CELA2B: variants seen among roughly 807,000 people sequenced by gnomAD.
The protein encoded by CELA2B is chymotrypsin like elastase 2B, also known as chymotrypsin-like elastase family member 2B.
A neutral mutation model predicts 36.5 loss-of-function variants in CELA2B; 27 were observed. That is an observed-to-expected ratio of 0.74 (90% confidence interval 0.55 to 1.02). The LOEUF is 1.02. Ranked by LOEUF, CELA2B falls within the 50% of genes least tolerant of loss-of-function variation. The probability of loss-of-function intolerance (pLI) is 0.00; values close to 1 mark genes in which losing one functional copy is unlikely to be tolerated. For synonymous variants in CELA2B, 143 were observed against 148.5 expected (o/e 0.96, Z 0.27); for missense variants, 340 against 347.8 (o/e 0.98, Z 0.18).
intron 7 of CELA2B, among the ~76,000 whole-genome samples, chr1:15,487,919 G>C (rs1460363385): frequency 1.3e-5 from 2 of 152,144 alleles, no homozygotes; most frequent in Non-Finnish European, 2.9e-5. Flanking sequence ...GGTTTTCCAG[G>C]ATGCGGGACT....
intron 6 of CELA2B, 152 bp from the exon 7 acceptor site, chr1:15,487,133 G>A: frequency 1.4e-6 from 1 of 689,852 alleles, no homozygotes; most frequent in Non-Finnish European, 2.5e-6. Context: ...GCTCTTGTTG[G>A]AATTATGGTA....
Position 15,476,404 on chromosome 1 carries a change from T to G in CELA2B, c.41-53T>G, listed in dbSNP as rs571055831. ...GGTTCAGAATGCAGCATGTATAGTT[T>G]ACATTGTGTGGGTCGCTGCTTCCTG... On this transcript the variant is annotated intron_variant, in intron 1 of 7. Coordinates refer to ENST00000375910, the MANE Select transcript of CELA2B (RefSeq NM_015849.3). The G allele has an allele frequency of 6.4e-6, 10 of 1,567,384 alleles. 1 individual carries two copies. In the Admixed American group the frequency reaches 1.7e-4, roughly 26 times the overall value.
intron 2 of CELA2B, among the ~76,000 whole-genome samples, chr1:15,479,280 C>T (rs1170909811): frequency 6.6e-6 from 1 of 152,198 alleles, no homozygotes; most frequent in Non-Finnish European, 1.5e-5. Context: ...CACAGTGGCT[C>T]ACGCATGTAA....
chr1:15,480,533 G>T (rs1186465275), intron 2 of CELA2B, among the ~76,000 whole-genome samples: 1 of 152,162 alleles, frequency 6.6e-6, no homozygotes, highest in African/African-American at 2.4e-5. Context: ...TACAATCATG[G>T]CAGAAGGGGA....
At chr1:15,487,154 C>A in intron 6 of CELA2B, 131 bp from the exon 7 acceptor site, 1 of 807,884 alleles carries the variant, frequency 1.2e-6, no homozygotes, top group Non-Finnish European at 2.0e-6. Context: ...CCACCTTGAG[C>A]TATGACCACA....
At chr1:15,487,787 A>G (rs1395798071) in intron 7 of CELA2B, among the ~76,000 whole-genome samples, 4 of 152,252 alleles carry the variant, frequency 2.6e-5, no homozygotes, top group African/African-American at 7.2e-5. Flanking sequence ...ATATGTCTGC[A>G]AAACCCAAAA....
chr1:15,482,095 C>G (rs553179175), intron 3 of CELA2B, among the ~76,000 whole-genome samples, 170 bp from the exon 4 acceptor site: 8 of 152,258 alleles, frequency 5.3e-5, no homozygotes, highest in Non-Finnish European at 1.0e-4. Context: ...ATAGTTCTTA[C>G]ATTATATACT....
At chr1:15,479,299 C>G (rs1459981972) in intron 2 of CELA2B, among the ~76,000 whole-genome samples, 6 of 152,176 alleles carry the variant, frequency 3.9e-5, no homozygotes, top group Admixed American at 2.6e-4. Flanking sequence ...AATCCCAACA[C>G]TTTGGGAGGC....
chr1:15,478,201 CAT>C (rs559488613), intron 2 of CELA2B, among the ~76,000 whole-genome samples: 9 of 101,836 alleles, frequency 8.8e-5, no homozygotes, highest in Admixed American at 1.9e-4. Flanking sequence ...GAGGCTGAGG[CAT>C]ATATATATAT....
In CELA2B at chr1:15,488,466, GA is replaced by G. The variant is rs200651559; in HGVS notation, c.792+1031del. Among the ~76,000 whole-genome samples, 563 of 152,320 alleles carry G rather than the reference GA, an allele frequency of 3.7e-3. 5 individuals are homozygous for G. The highest frequency in any genetic ancestry group is 0.023 in the East Asian group (118 of 5,192). ...ACACAGAAGTAGATGAAAGCAGCCAGAAGAGGAAACCCCGTCACAAGAAAGG... is the reference window on the plus strand; with the variant it reads ...ACACAGAAGTAGATGAAAGCAGCCAGAGAGGAAACCCCGTCACAAGAAAGG... On this transcript the variant is annotated intron_variant, in intron 7 of 7. Transcript: ENST00000375910.
intron 2 of CELA2B, among the ~76,000 whole-genome samples, chr1:15,478,521 G>C (rs917140842): frequency 2.0e-5 from 3 of 150,508 alleles, no homozygotes; most frequent in Admixed American, 6.7e-5. Flanking sequence ...GGGATTATAG[G>C]TGTGAACCAC....
chr1:15,489,035 T>C (rs1364446825), intron 7 of CELA2B, among the ~76,000 whole-genome samples: 1 of 152,192 alleles, frequency 6.6e-6, no homozygotes, highest in Non-Finnish European at 1.5e-5. Context: ...GAGTCCACCT[T>C]TGGAGGCACC....
At chr1:15,485,844 CTTCCT>C in intron 5 of CELA2B, 52 bp from the exon 6 acceptor site, 1 of 1,601,972 alleles carries the variant, frequency 6.2e-7, no homozygotes, top group East Asian at 2.2e-5. Flanking sequence ...GGGTCCACCA[CTTCCT>C]TTTTCTCAGG....
intron 2 of CELA2B, among the ~76,000 whole-genome samples, chr1:15,479,210 C>T (rs934030387): frequency 1.3e-5 from 2 of 152,158 alleles, no homozygotes; most frequent in African/African-American, 4.8e-5. Flanking sequence ...TCTAAGGCCC[C>T]TTAATGTCAC....
intron 2 of CELA2B, among the ~76,000 whole-genome samples, chr1:15,480,719 T>C (rs1432589854): frequency 7.2e-5 from 11 of 151,934 alleles, no homozygotes; most frequent in Non-Finnish European, 1.6e-4. Flanking sequence ...CCCCTACCTA[T>C]GGGGATTATG....
chr1:15,478,137 A>T (rs1272120205), intron 2 of CELA2B, among the ~76,000 whole-genome samples: 1 of 152,060 alleles, frequency 6.6e-6, no homozygotes, highest in East Asian at 1.9e-4. Flanking sequence ...CTCTACTAAA[A>T]ATACAAAAAT....
Position 15,485,945 on chromosome 1 carries a change from G to A in CELA2B, c.538G>A (p.Val180Ile), listed in dbSNP as rs1480360254. 3 of 1,614,192 alleles carry A rather than the reference G, an allele frequency of 1.9e-6. No individual in the cohort carries two copies. The highest frequency in any genetic ancestry group is 1.7e-6 in the Non-Finnish European group (2 of 1,180,032). The change falls in exon 6 of 8, where the codon GTT becomes ATT. Residue 180 changes from valine to isoleucine, a missense_variant. Physicochemically the swap from Val to Ile is conservative, Grantham distance 29 (BLOSUM62 3). Coordinates refer to ENST00000375910, the MANE Select transcript of CELA2B (RefSeq NM_015849.3). ...TGACCTGAAGCAGGGCCAGTTGCTG[G>A]TTGTGGACTATGCCACCTGCTCCAG... ...PDDLKQGQLL[V>I]VDYATCSSSG...
intron 5 of CELA2B, among the ~76,000 whole-genome samples, chr1:15,483,900 G>A (rs1708773578): frequency 6.6e-6 from 1 of 151,334 alleles, no homozygotes; most frequent in Admixed American, 6.6e-5. Flanking sequence ...CTGCACTCCA[G>A]CCAGGGGGAT....
chr1:15,480,402 G>C (rs552201735), intron 2 of CELA2B, among the ~76,000 whole-genome samples: 3 of 152,272 alleles, frequency 2.0e-5, no homozygotes, highest in Admixed American at 6.5e-5. Flanking sequence ...TTTCTGTAGA[G>C]ACGGTGTATT....
Sources: gnomAD v4.1 joint callset for allele counts (sites outside exome capture counted in the v4.1 genomes callset) on GRCh38, gnomAD v4.1.1 for gene constraint, MANE v1.5 for transcripts, NCBI Gene and HGNC (gene_info 2026-07-23, HGNC 2026-07-21) for gene names.